CSMD3: variants seen among roughly 807,000 people sequenced by gnomAD.
CSMD3 encodes the protein CUB and Sushi multiple domains 3.
In CSMD3, 177 loss-of-function variants were observed where a neutral mutation model predicts 435.2. That is an observed-to-expected ratio of 0.41 (90% CI 0.36 to 0.46). CSMD3 has a LOEUF of 0.46. Among genes scored for constraint, CSMD3 ranks in the 20% least tolerant of loss-of-function variants. CSMD3 has a pLI of 0.34. For missense variants in CSMD3, 4,265 were observed against 4,504.6 expected (o/e 0.95, Z 1.52); for synonymous variants, 1,656 against 1,520.5 (o/e 1.09, Z -2.07).
chr8:113,192,937 G>A (rs1277678883), intron 3 of CSMD3, among the ~76,000 whole-genome samples: 2 of 151,570 alleles, frequency 1.3e-5, no homozygotes, highest in Admixed American at 6.6e-5. Flanking sequence ...AATGTTCTGA[G>A]TACAAGTGTG....
intron 1 of CSMD3, among the ~76,000 whole-genome samples, chr8:113,392,943 C>CTA (rs5894146): frequency 2.1e-4 from 31 of 147,202 alleles, no homozygotes; most frequent in African/African-American, 5.3e-4. Flanking sequence ...CTGCATGTGT[C>CTA]TATATATATA....
intron 1 of CSMD3, among the ~76,000 whole-genome samples, chr8:113,403,500 C>A (rs1481964899): frequency 6.6e-6 from 1 of 151,032 alleles, no homozygotes; most frequent in East Asian, 1.9e-4. Context: ...TCAGTAACAC[C>A]AGGGTGAGGT....
chr8:112,946,977 T>C (rs11990766), intron 9 of CSMD3, among the ~76,000 whole-genome samples: 8,807 of 151,638 alleles, frequency 0.058, 877 homozygotes, highest in African/African-American at 0.2. Flanking sequence ...GTGCTTTATA[T>C]AAATAAAATG....
At chr8:112,753,800 G>A (rs577100332) in intron 13 of CSMD3, among the ~76,000 whole-genome samples, 24 of 152,296 alleles carry the variant, frequency 1.6e-4, no homozygotes, top group African/African-American at 5.8e-4. Flanking sequence ...TGTATGAGGA[G>A]TTTTAAGGAC....
At position 112,492,654 on chromosome 8, in the gene CSMD3, C is replaced by A. The variant is rs752071669; in HGVS notation, c.5113G>T (p.Gly1705Cys). Residue 1705 changes from glycine to cysteine, a missense_variant, in exon 31 of 71, where the codon GGC becomes TGC. Gly to Cys is a radical substitution (Grantham distance 159). Coordinates refer to ENST00000297405, the MANE Select transcript of CSMD3 (RefSeq NM_198123.2). The part of the protein sequence containing the change: ...AKLRESCFDP[G>C]NIMNGTRLGM... ...AGTCTGGTGCCATTCATTATATTGC[C>A]TGGATCAAAGCAGGACTCTCGCAGT... 1 of 1,613,848 alleles carries A rather than the reference C, an allele frequency of 6.2e-7. No individual in the cohort carries two copies. The highest frequency in any genetic ancestry group is 1.1e-5 in the South Asian group (1 of 91,076).
chr8:112,872,156 T>C (rs1473900124), intron 10 of CSMD3, among the ~76,000 whole-genome samples: 1 of 152,076 alleles, frequency 6.6e-6, no homozygotes, highest in Non-Finnish European at 1.5e-5. Context: ...TGATAAAACC[T>C]ATTTAAATCA....
At chr8:112,904,349 G>A (rs555764652) in intron 10 of CSMD3, among the ~76,000 whole-genome samples, 1 of 151,606 alleles carries the variant, frequency 6.6e-6, no homozygotes, top group South Asian at 2.1e-4. Flanking sequence ...CCATTCCACA[G>A]TGTATACTTA....
intron 29 of CSMD3, among the ~76,000 whole-genome samples, chr8:112,504,729 C>G (rs1315699346): frequency 6.6e-6 from 1 of 152,068 alleles, no homozygotes; most frequent in African/African-American, 2.4e-5. Flanking sequence ...GCCTTAACAA[C>G]CTTCAAAAGT....
intron 4 of CSMD3, among the ~76,000 whole-genome samples, chr8:113,153,923 G>T (rs2091882761): frequency 6.6e-6 from 1 of 151,260 alleles, no homozygotes; most frequent in Non-Finnish European, 1.5e-5. Context: ...GGTATGAGAA[G>T]AAAAAAAACC....
At chr8:112,768,749 C>T (rs79370311) in intron 13 of CSMD3, among the ~76,000 whole-genome samples, 2 of 151,824 alleles carry the variant, frequency 1.3e-5, no homozygotes, top group African/African-American at 4.8e-5. Context: ...TTCCTTTGCC[C>T]CATGTTTCCC....
intron 4 of CSMD3, among the ~76,000 whole-genome samples, chr8:113,111,907 T>C (rs566522161): frequency 6.6e-6 from 1 of 152,154 alleles, no homozygotes; most frequent in African/African-American, 2.4e-5. Flanking sequence ...CTCGAACTCC[T>C]GACCTCTAAA....
intron 3 of CSMD3, among the ~76,000 whole-genome samples, chr8:113,185,029 C>T (rs1480462): frequency 6.6e-6 from 1 of 151,838 alleles, no homozygotes; most frequent in Admixed American, 6.6e-5. Context: ...GTGGGTAGCA[C>T]GTGCTTCCCC....
intron 45 of CSMD3, among the ~76,000 whole-genome samples, chr8:112,331,000 T>C (rs886124100): frequency 7.9e-5 from 12 of 152,032 alleles, no homozygotes; most frequent in South Asian, 2.1e-4. Flanking sequence ...TCCGGTTTTT[T>C]ACTCAGTTTG....
intron 63 of CSMD3, among the ~76,000 whole-genome samples, chr8:112,249,865 G>T (rs1252179583): frequency 6.6e-6 from 1 of 151,952 alleles, no homozygotes; most frequent in African/African-American, 2.4e-5. Flanking sequence ...CTTCCCTGCA[G>T]CAAGAAATTA....
intron 1 of CSMD3, among the ~76,000 whole-genome samples, chr8:113,418,139 G>T (rs1473329294): frequency 6.6e-6 from 1 of 152,042 alleles, no homozygotes; most frequent in Non-Finnish European, 1.5e-5. Context: ...ATATTTCTCT[G>T]TTACATGAGG....
intron 13 of CSMD3, among the ~76,000 whole-genome samples, chr8:112,716,450 C>T (rs1371205792): frequency 6.6e-6 from 1 of 152,114 alleles, no homozygotes; most frequent in African/African-American, 2.4e-5. Flanking sequence ...AAAAACATTC[C>T]ATGTTCATAT....
chr8:112,491,925 C>T (rs1253700427), intron 31 of CSMD3, among the ~76,000 whole-genome samples: 1 of 152,030 alleles, frequency 6.6e-6, no homozygotes, highest in Non-Finnish European at 1.5e-5. Context: ...GCAATGATAT[C>T]ACTGTTTCTC....
chr8:112,883,817 CA>C (rs2081514892), intron 10 of CSMD3, among the ~76,000 whole-genome samples: 1 of 151,712 alleles, frequency 6.6e-6, no homozygotes, highest in South Asian at 2.1e-4. Context: ...TCCTTCAATG[CA>C]AATTAATATT....
chr8:112,864,420 T>C (rs978569038), intron 10 of CSMD3, among the ~76,000 whole-genome samples: 2 of 152,012 alleles, frequency 1.3e-5, no homozygotes, highest in African/African-American at 4.8e-5. Flanking sequence ...GGTTCATTTT[T>C]TTGTACTTTT....
Sources: allele counts gnomAD v4.1 joint callset (sites outside exome capture counted in the v4.1 genomes callset), GRCh38; gene constraint gnomAD v4.1.1; transcripts MANE v1.5; gene names NCBI Gene and HGNC (gene_info 2026-07-23, HGNC 2026-07-21).